Variants in DAB1 observed in about 807,000 individuals in gnomAD.
The protein encoded by DAB1 is DAB adaptor protein 1.
A neutral mutation model predicts 64.6 loss-of-function variants in DAB1; 15 were observed. The observed-to-expected ratio is 0.23, with a 90% CI of 0.16 to 0.36. The LOEUF (loss-of-function observed/expected upper bound fraction) is 0.36, where lower values mean the gene tolerates loss of function less well. Ranked by LOEUF, DAB1 falls within the 10% of genes least tolerant of loss-of-function variation. The probability of loss-of-function intolerance (pLI) is 1.00; values close to 1 mark genes in which losing one functional copy is unlikely to be tolerated. For synonymous variants in DAB1, 235 were observed against 251.9 expected (o/e 0.93, Z 0.64); for missense variants, 596 against 706.7 (o/e 0.84, Z 1.78).
chr1:57,631,371 AT>A (rs1645987292), intron 7 of DAB1, among the ~76,000 whole-genome samples: 1 of 152,240 alleles, frequency 6.6e-6, no homozygotes. Context: ...GCATAAAAAT[AT>A]ATTTGCAAAT....
chr1:58,067,242 G>A (rs1402455029), intron 5 of DAB1, among the ~76,000 whole-genome samples: 1 of 152,194 alleles, frequency 6.6e-6, no homozygotes, highest in Non-Finnish European at 1.5e-5. Flanking sequence ...CTGCTACAAT[G>A]TAACTATGAC....
intron 5 of DAB1, among the ~76,000 whole-genome samples, chr1:58,085,989 A>T (rs1570332861): frequency 1.9e-5 from 2 of 104,222 alleles, no homozygotes; most frequent in African/African-American, 4.0e-5. Context: ...TTTGAGACGG[A>T]GTCTCGCTCT....
intron 6 of DAB1, among the ~76,000 whole-genome samples, chr1:57,760,078 G>C (rs1261090632): frequency 2.0e-5 from 3 of 152,156 alleles, no homozygotes; most frequent in Non-Finnish European, 2.9e-5. Flanking sequence ...GAGAACTGAA[G>C]CTCTCCATGG....
chr1:57,423,377 G>C (rs1385916352), intron 1 of DAB1, among the ~76,000 whole-genome samples: 2 of 152,104 alleles, frequency 1.3e-5, no homozygotes, highest in Non-Finnish European at 2.9e-5. Flanking sequence ...GCCCGCGAAA[G>C]GGCTGGGATT....
chr1:57,596,978 G>A (rs1170643849), intron 7 of DAB1, among the ~76,000 whole-genome samples: 1 of 152,118 alleles, frequency 6.6e-6, no homozygotes, highest in African/African-American at 2.4e-5. Flanking sequence ...AACTCTCTGG[G>A]ATGAGAGAAT....
At chr1:57,145,547 C>T in intron 2 of DAB1, 118 bp from the exon 3 acceptor site, 1 of 1,050,386 alleles carries the variant, frequency 9.5e-7, no homozygotes, top group Non-Finnish European at 1.4e-6. Context: ...AGTCAAATCA[C>T]TGGACTCAGG....
intron 7 of DAB1, among the ~76,000 whole-genome samples, chr1:57,454,634 T>C (rs61471583): frequency 0.17 from 26,384 of 152,016 alleles, 2,285 homozygotes; most frequent in East Asian, 0.21. Flanking sequence ...AACAAACCTG[T>C]ACATGTACCC....
intron 2 of DAB1, among the ~76,000 whole-genome samples, chr1:58,518,124 T>A (rs975530313): frequency 1.3e-5 from 2 of 148,404 alleles, no homozygotes; most frequent in Non-Finnish European, 3.0e-5. Context: ...AGGTGGTGGT[T>A]GCTGTGAGCT....
At chr1:57,314,857 C>T (rs1190346969) in intron 1 of DAB1, among the ~76,000 whole-genome samples, 1 of 151,592 alleles carries the variant, frequency 6.6e-6, no homozygotes, top group Non-Finnish European at 1.5e-5. Flanking sequence ...GGGAAGGAGG[C>T]AAGGAAGAAA....
At chr1:58,157,056 C>T (rs1655264314) in intron 4 of DAB1, among the ~76,000 whole-genome samples, 1 of 152,128 alleles carries the variant, frequency 6.6e-6, no homozygotes, top group Non-Finnish European at 1.5e-5. Context: ...GCTTAGGAAG[C>T]TGTCACACAT....
chr1:57,040,279 G>A (rs1003056158), intron 9 of DAB1, among the ~76,000 whole-genome samples: 3 of 152,110 alleles, frequency 2.0e-5, no homozygotes, highest in African/African-American at 7.2e-5. Context: ...GTTGTCATGG[G>A]ATAGAGGGCA....
chr1:57,062,947 T>C lies in DAB1; in HGVS notation c.664-4A>G, dbSNP rs748201073. 48 of 1,613,756 alleles carry C rather than the reference T, an allele frequency of 3.0e-5. No individual in the cohort carries two copies. Among genetic ancestry groups the C allele is most frequent in the Middle Eastern group, 1.6e-4 (1 of 6,084 alleles). Reference sequence around the variant, plus strand: ...CCTTCTTTTGGCTGGTGGGAACCTATGGAAAAATTAAATTCAGCACAGTCA... The same window carrying C: ...CCTTCTTTTGGCTGGTGGGAACCTACGGAAAAATTAAATTCAGCACAGTCA... On this transcript the variant is annotated splice_region_variant and splice_polypyrimidine_tract_variant and intron_variant, in intron 8 of 14. Transcript: ENST00000371236.
chr1:58,423,955 A>T (rs1384519769), intron 3 of DAB1, among the ~76,000 whole-genome samples: 1 of 152,214 alleles, frequency 6.6e-6, no homozygotes, highest in African/African-American at 2.4e-5. Flanking sequence ...AGGATCTAAG[A>T]GAGAGCATTT....
intron 4 of DAB1, among the ~76,000 whole-genome samples, chr1:58,327,289 A>AAGGG (rs975193781): frequency 2.0e-5 from 3 of 152,162 alleles, no homozygotes; most frequent in Admixed American, 6.5e-5. Flanking sequence ...AAAAAGAAGA[A>AAGGG]AGGGAGGGAG....
chr1:57,751,425 C>A (rs1279370318), intron 6 of DAB1, among the ~76,000 whole-genome samples: 1 of 152,018 alleles, frequency 6.6e-6, no homozygotes, highest in Non-Finnish European at 1.5e-5. Flanking sequence ...TCCTGAGCAG[C>A]AACTGGAGGG....
intron 5 of DAB1, among the ~76,000 whole-genome samples, chr1:57,987,274 T>C (rs894329001): frequency 2.6e-5 from 4 of 152,192 alleles, no homozygotes; most frequent in African/African-American, 9.6e-5. Flanking sequence ...CCCAGCCACA[T>C]AGACACATCC....
At chr1:57,133,303 T>C (rs1331998654) in intron 4 of DAB1, among the ~76,000 whole-genome samples, 1 of 152,186 alleles carries the variant, frequency 6.6e-6, no homozygotes, top group Non-Finnish European at 1.5e-5. Flanking sequence ...AATAATTCTA[T>C]GGATTAACAT....
chr1:57,300,674 G>T (rs1266135329), intron 1 of DAB1, among the ~76,000 whole-genome samples: 1 of 152,134 alleles, frequency 6.6e-6, no homozygotes, highest in Admixed American at 6.5e-5. Flanking sequence ...CGCTTGAAAC[G>T]GATGCTGTAA....
chr1:58,006,424 C>A (rs953400113), intron 5 of DAB1, among the ~76,000 whole-genome samples: 1 of 152,044 alleles, frequency 6.6e-6, no homozygotes, highest in Admixed American at 6.6e-5. Flanking sequence ...AAACTCTTCC[C>A]AGTATTAGTA....
Sources: allele counts gnomAD v4.1 joint callset (sites outside exome capture counted in the v4.1 genomes callset), GRCh38; gene constraint gnomAD v4.1.1; transcripts MANE v1.5; gene names NCBI Gene and HGNC (gene_info 2026-07-23, HGNC 2026-07-21).